The following ANGEL2 variants were observed in gnomAD, a reference collection of about 807,000 sequenced individuals.
The protein encoded by ANGEL2 is RNA 2',3'-cyclic phosphatase ANGEL2.
ANGEL2 carries 41 observed loss-of-function variants against 66.0 expected under a neutral mutation model. The ratio of observed to expected loss-of-function variants is 0.62; its 90% CI spans 0.48 to 0.81. The LOEUF is 0.81. Among genes scored for constraint, ANGEL2 ranks in the 30% least tolerant of loss-of-function variants. ANGEL2 has a pLI of 0.00. For missense variants in ANGEL2, 561 were observed against 641.6 expected, an observed-to-expected ratio of 0.87 and a Z score of 1.36; for synonymous variants, 208 against 226.5, an observed-to-expected ratio of 0.92 and a Z score of 0.73.
chr1:213,001,174 T>G (rs952028485), intron 5 of ANGEL2: 15 of 398,748 alleles, frequency 3.8e-5, no homozygotes, highest in Admixed American at 1.4e-4. Flanking sequence ...TCTATCGCTT[T>G]GAACTAACAC....
At chr1:213,004,865 C>CAAAAAA (rs60445711) in intron 5 of ANGEL2, among the ~76,000 whole-genome samples, 168 bp downstream of exon 5, 2 of 35,242 alleles carry the variant, frequency 5.7e-5, no homozygotes, top group African/African-American at 1.2e-4. Context: ...GAGACTGTCT[C>CAAAAAA]AAAAAAAAAA....
intron 8 of ANGEL2, among the ~76,000 whole-genome samples, chr1:212,996,083 A>G (rs1303848506): frequency 2.0e-5 from 3 of 151,908 alleles, no homozygotes; most frequent in Admixed American, 1.3e-4. Flanking sequence ...CGAGGCAGGC[A>G]GATCATGAGG....
rs890007603 is a variant in ANGEL2 at position 213,006,905 on chromosome 1, A to T, written c.712+224T>A. 4 of 404,876 alleles carry T rather than the reference A, an allele frequency of 9.9e-6. No individual in the cohort carries two copies. The East Asian group carries it at 1.4e-4, about 15-fold the overall frequency. 25.1% of individuals were successfully genotyped at this position (404,876 alleles called of 1,614,324 possible). ...GAATTTTCAAAAGTAAATTTGGCTA[A>T]AAGTTACATTGCCTTGTCTCTATAA... On this transcript the variant is annotated intron_variant, in intron 4 of 8. Transcript: ENST00000366962.
intron 7 of ANGEL2, among the ~76,000 whole-genome samples, chr1:212,999,561 GATAAA>G (rs535203435): frequency 4.6e-5 from 7 of 152,172 alleles, no homozygotes; most frequent in Admixed American, 3.3e-4. Context: ...TTGAGAAGCA[GATAAA>G]ATAAATGAGA....
At chr1:213,003,979 A>G (rs1351337365) in intron 5 of ANGEL2, among the ~76,000 whole-genome samples, 5 of 151,856 alleles carry the variant, frequency 3.3e-5, no homozygotes, top group Non-Finnish European at 5.9e-5. Flanking sequence ...GTGAACCTGC[A>G]GGTCACCTAA....
At chr1:213,011,531 C>A in intron 2 of ANGEL2, 1 of 991,114 alleles carries the variant, frequency 1.0e-6, no homozygotes, top group Non-Finnish European at 1.2e-6. Context: ...ATTCCCCATC[C>A]ATTAAGGGAA....
intron 7 of ANGEL2, among the ~76,000 whole-genome samples, chr1:212,998,981 A>G (rs950109129): frequency 6.6e-6 from 1 of 151,970 alleles, no homozygotes; most frequent in African/African-American, 2.4e-5. Context: ...CCAGGGTTCA[A>G]GCAATACTCT....
intron 5 of ANGEL2, among the ~76,000 whole-genome samples, chr1:213,003,017 GCA>G (rs2076220964): frequency 6.6e-6 from 1 of 152,074 alleles, no homozygotes; most frequent in Admixed American, 6.5e-5. Flanking sequence ...TACATCAGCA[GCA>G]CTTGCTGCTT....
At chr1:213,005,008 T>C (rs776326168) in intron 5 of ANGEL2, 25 bp downstream of exon 5, 2 of 1,499,234 alleles carry the variant, frequency 1.3e-6, no homozygotes, top group Non-Finnish European at 1.8e-6. Context: ...GTCCACTCCC[T>C]AATAACAATG....
intron 8 of ANGEL2, among the ~76,000 whole-genome samples, chr1:212,996,088 A>G (rs563592310): frequency 6.6e-6 from 1 of 152,060 alleles, no homozygotes; most frequent in Non-Finnish European, 1.5e-5. Flanking sequence ...CAGGCAGATC[A>G]TGAGGTCAGG....
chr1:213,015,184 C>T, intron 1 of ANGEL2: 1 of 1,024,918 alleles, frequency 9.8e-7, no homozygotes, highest in South Asian at 4.3e-5. Context: ...TGGGCGTGTG[C>T]CACACACGCG....
intron 1 of ANGEL2, chr1:213,015,120 C>G: frequency 1.0e-6 from 1 of 990,458 alleles, no homozygotes; most frequent in Non-Finnish European, 1.2e-6. Context: ...GGATGACATA[C>G]AAGTGACTAA....
intron 3 of ANGEL2, among the ~76,000 whole-genome samples, chr1:213,007,468 T>C (rs190301623): frequency 0.011 from 1,640 of 152,320 alleles, 31 homozygotes; most frequent in Middle Eastern, 0.051. Flanking sequence ...TTAGCTTACA[T>C]GTCAGGATAT....
Position 212,992,378 on chromosome 1 carries a change from G to GT in ANGEL2, c.*2662dup, listed in dbSNP as rs1441997171. 6.6e-6 allele frequency: 1 copy of GT among 152,178 alleles called. No individual in the cohort carries two copies. Among genetic ancestry groups the GT allele is most frequent in the Non-Finnish European group, 1.5e-5 (1 of 68,018 alleles). 9.4% of individuals were successfully genotyped at this position (152,178 alleles called of 1,614,324 possible). The stretch of plus-strand genomic sequence containing the variant: ...TATTATCTTGATAGCAAAAGGTACA[G>GT]TAAAACCAAAATTTCATTACTCCAC... On this transcript the variant is annotated 3_prime_UTR_variant, in exon 9 of 9. Coordinates refer to ENST00000366962, the MANE Select transcript of ANGEL2 (RefSeq NM_144567.5).
In ANGEL2 at chr1:212,992,190, T is replaced by A. The variant is rs1408752054; in HGVS notation, c.*2851A>T. The A allele has an allele frequency of 6.6e-6, 1 of 152,160 alleles. No homozygotes were observed. Among genetic ancestry groups the A allele is most frequent in the Non-Finnish European group, 1.5e-5 (1 of 68,042 alleles). 9.4% of individuals were successfully genotyped at this position (152,160 alleles called of 1,614,324 possible). ...ACCTTCAGGCACAGAAGTACGAGTA[T>A]AATAGTTTATTACCTAACTTACAGG... On this transcript the variant is annotated 3_prime_UTR_variant, in exon 9 of 9. Coordinates refer to ENST00000366962, the MANE Select transcript of ANGEL2 (RefSeq NM_144567.5).
At chr1:212,998,911 G>A (rs984437124) in intron 7 of ANGEL2, among the ~76,000 whole-genome samples, 6 of 151,828 alleles carry the variant, frequency 4.0e-5, no homozygotes, top group African/African-American at 1.4e-4. Context: ...ACGGAGGCTT[G>A]CTTTGTCACC....
intron 5 of ANGEL2, among the ~76,000 whole-genome samples, chr1:213,003,932 G>A (rs577926944): frequency 6.6e-6 from 1 of 152,280 alleles, no homozygotes; most frequent in South Asian, 2.1e-4. Flanking sequence ...GGGCATGGTG[G>A]CTCACGCCTG....
At chr1:212,995,259 A>T (rs1471328915) in intron 8 of ANGEL2, 67 bp from the exon 9 acceptor site, 1 of 1,426,758 alleles carries the variant, frequency 7.0e-7, no homozygotes, top group Admixed American at 2.3e-5. Context: ...TAATCATACA[A>T]GTCTTTTCTC....
At chr1:213,002,250 A>C (rs1464417734) in intron 5 of ANGEL2, 2 of 152,260 alleles carry the variant, frequency 1.3e-5, no homozygotes, top group East Asian at 3.8e-4. Flanking sequence ...ATTTCCTTGT[A>C]CATCTTCATC....
Sources: allele counts gnomAD v4.1 joint callset (sites outside exome capture counted in the v4.1 genomes callset), GRCh38; gene constraint gnomAD v4.1.1; transcripts MANE v1.5; gene names NCBI Gene and HGNC (gene_info 2026-07-23, HGNC 2026-07-21).